Variants in IFT80 observed in about 807,000 individuals in gnomAD.
IFT80 encodes intraflagellar transport 80.
IFT80 carries 79 observed loss-of-function variants against 107.9 expected under a neutral mutation model. That is an observed-to-expected ratio of 0.73 (90% CI 0.61 to 0.88). The LOEUF is 0.88. Ranked by LOEUF, IFT80 falls within the 40% of genes least tolerant of loss-of-function variation. The pLI, the probability that IFT80 is intolerant of heterozygous loss-of-function variation, is 0.00. For missense variants in IFT80, 797 were observed against 914.2 expected, an observed-to-expected ratio of 0.87 and a Z score of 1.65; for synonymous variants, 299 against 300.9, an observed-to-expected ratio of 0.99 and a Z score of 0.07.
chr3:160,317,935 C>T (rs1217088844), intron 9 of IFT80, among the ~76,000 whole-genome samples: 4 of 151,870 alleles, frequency 2.6e-5, no homozygotes, highest in Non-Finnish European at 4.4e-5. Context: ...AACAACTGGA[C>T]ATTTAAACAC....
rs531219635 is a variant in IFT80 at position 160,347,789 on chromosome 3, A to G, written c.777+8224T>C. Among the ~76,000 whole-genome samples, 3 of 152,324 alleles carry G rather than the reference A, an allele frequency of 2.0e-5. No homozygotes were observed. The South Asian group carries it at 6.2e-4, about 32-fold the overall frequency. ...TTGCACTTTAGGTATACAGAATAAT[A>G]ACCAATCAGTCTCCTGCTCATGGAC... On this transcript the variant is annotated intron_variant, in intron 8 of 19. Coordinates refer to ENST00000326448, the MANE Select transcript of IFT80 (RefSeq NM_020800.3).
intron 8 of IFT80, among the ~76,000 whole-genome samples, chr3:160,323,290 G>C (rs1328369961): frequency 2.0e-4 from 30 of 149,368 alleles, no homozygotes; most frequent in African/African-American, 7.4e-4. Context: ...TTATTAAATA[G>C]GGAATCCTTT....
chr3:160,289,526 G>C (rs370855193), intron 12 of IFT80, among the ~76,000 whole-genome samples: 3 of 152,170 alleles, frequency 2.0e-5, no homozygotes, highest in Non-Finnish European at 4.4e-5. Flanking sequence ...AAATGAAAGG[G>C]AAAGAGAAAG....
intron 8 of IFT80, among the ~76,000 whole-genome samples, chr3:160,324,101 G>A (rs903706286): frequency 6.6e-6 from 1 of 152,228 alleles, no homozygotes; most frequent in African/African-American, 2.4e-5. Flanking sequence ...TCTCTGAATA[G>A]ACCAGCAACA....
At chr3:160,261,340 T>C (rs1266110409) in intron 19 of IFT80, among the ~76,000 whole-genome samples, 1 of 151,872 alleles carries the variant, frequency 6.6e-6, no homozygotes, top group Non-Finnish European at 1.5e-5. Context: ...TATCAAGGAT[T>C]GTCTGAGGTA....
At chr3:160,347,265 C>T (rs1441023843) in intron 8 of IFT80, among the ~76,000 whole-genome samples, 3 of 152,052 alleles carry the variant, frequency 2.0e-5, no homozygotes, top group Non-Finnish European at 4.4e-5. Context: ...TGCTTTCTTA[C>T]CAAAATTTAG....
Position 160,381,731 on chromosome 3 carries a change from C to G in IFT80, c.38-7G>C. ...CAGCTTACTAATTCTTGATGTGTCA[C>G]CATGTTAAAGAGACATAAAACATAC... is the stretch of plus-strand genomic sequence containing the variant. On this transcript the variant is annotated splice_region_variant and splice_polypyrimidine_tract_variant and intron_variant, in intron 2 of 19. Coordinates refer to ENST00000326448, the MANE Select transcript of IFT80 (RefSeq NM_020800.3). The G allele has an allele frequency of 1.2e-6, 2 of 1,603,974 alleles. No homozygotes were observed. Among genetic ancestry groups the G allele is most frequent in the East Asian group, 4.5e-5 (2 of 44,790 alleles).
rs541340816 is a variant in IFT80, at chr3:160,383,638, A to G, written c.37+926T>C. The G allele has an allele frequency of 3.3e-5, 32 of 979,244 alleles. No homozygotes were observed. In the East Asian group the frequency reaches 3.7e-3, roughly 112 times the overall value. The allele number at this position is 979,244 out of a possible 1,614,324, so 60.7% of individuals were successfully genotyped here. A position where few individuals can be genotyped will look rare whatever the true frequency, so the allele number is the denominator to read the frequency against. On this transcript the variant is annotated intron_variant, in intron 2 of 19. Transcript: ENST00000326448. ...GCCCTTACTTTCAATTTATTTACCT[A>G]TTCTTTCACAGACCTGCAATAAAGT...
At chr3:160,303,149 T>C (rs1287061981) in intron 11 of IFT80, among the ~76,000 whole-genome samples, 1 of 152,166 alleles carries the variant, frequency 6.6e-6, no homozygotes, top group East Asian at 1.9e-4. Context: ...ATAAAGCACA[T>C]GGTTTTGGTG....
At chr3:160,378,242 A>T (rs1432588427) in intron 3 of IFT80, among the ~76,000 whole-genome samples, 1 of 143,948 alleles carries the variant, frequency 6.9e-6, no homozygotes, top group African/African-American at 2.6e-5. Context: ...ATAGCCTATA[A>T]AAAAAAAAAA....
intron 9 of IFT80, among the ~76,000 whole-genome samples, chr3:160,313,785 A>G (rs994072779): frequency 1.1e-4 from 17 of 151,876 alleles, no homozygotes; most frequent in African/African-American, 3.9e-4. Flanking sequence ...AATTTTTTGT[A>G]TTTTTAGTAG....
chr3:160,362,087 G>A (rs1721532127), intron 6 of IFT80, among the ~76,000 whole-genome samples: 3 of 152,124 alleles, frequency 2.0e-5, no homozygotes, highest in Admixed American at 2.0e-4. Flanking sequence ...ATGAATCCAG[G>A]AGCTGGTTTT....
intron 8 of IFT80, among the ~76,000 whole-genome samples, chr3:160,345,204 A>C (rs1720203546): frequency 6.6e-6 from 1 of 152,178 alleles, no homozygotes; most frequent in African/African-American, 2.4e-5. Context: ...CAACAGACGA[A>C]TAGATAAAGA....
chr3:160,371,928 G>A (rs1218823881), intron 5 of IFT80, among the ~76,000 whole-genome samples: 3 of 152,164 alleles, frequency 2.0e-5, no homozygotes, highest in Non-Finnish European at 4.4e-5. Flanking sequence ...TATGGCCTAA[G>A]TATAATTATC....
At chr3:160,296,030 A>C (rs1291054909) in intron 12 of IFT80, among the ~76,000 whole-genome samples, 1 of 152,162 alleles carries the variant, frequency 6.6e-6, no homozygotes, top group Non-Finnish European at 1.5e-5. Flanking sequence ...CAAGGGCATA[A>C]AATTTCAGTA....
At chr3:160,321,425 G>A (rs1718207298) in intron 8 of IFT80, among the ~76,000 whole-genome samples, 1 of 151,936 alleles carries the variant, frequency 6.6e-6, no homozygotes, top group Non-Finnish European at 1.5e-5. Flanking sequence ...TCCTCATGGT[G>A]TAGAAGAAAC....
intron 3 of IFT80, chr3:160,377,784 A>C (rs1360687811): frequency 3.3e-6 from 1 of 303,878 alleles, no homozygotes; most frequent in African/African-American, 2.2e-5. Context: ...ATAACAGGGA[A>C]AAACCCAAAT....
At chr3:160,345,229 T>C (rs1010787961) in intron 8 of IFT80, among the ~76,000 whole-genome samples, 6 of 152,176 alleles carry the variant, frequency 3.9e-5, no homozygotes, top group East Asian at 3.8e-4. Flanking sequence ...GTGGTACATA[T>C]ACACAATGGA....
At position 160,258,413 on chromosome 3, in the gene IFT80, C is replaced by CTT. The variant is rs1712526716; in HGVS notation, c.*110_*111dup. On this transcript the variant is annotated 3_prime_UTR_variant, in exon 20 of 20. Transcript: ENST00000326448. ...TTTTACACTAAATACACAGCAAGTA[C>CTT]TTATACTCGGTTAAAGATTATGCTT... 1.5e-6 allele frequency: 2 copies of CTT among 1,308,126 alleles called. No homozygotes were observed. The highest frequency in any genetic ancestry group is 1.9e-5 in the Admixed American group (1 of 52,314). The allele number at this position is 1,308,126 out of a possible 1,614,324, so 81.0% of individuals were successfully genotyped here.
Sources: allele counts gnomAD v4.1 joint callset (sites outside exome capture counted in the v4.1 genomes callset), GRCh38; gene constraint gnomAD v4.1.1; transcripts MANE v1.5; gene names NCBI Gene and HGNC (gene_info 2026-07-23, HGNC 2026-07-21).